Variants in FRMD4B observed in about 807,000 individuals in gnomAD.
FRMD4B encodes the protein FERM domain-containing protein 4B.
A neutral mutation model predicts 141.5 loss-of-function variants in FRMD4B; 74 were observed. The observed-to-expected ratio is 0.52, with a 90% CI of 0.43 to 0.63. The LOEUF is 0.63. Ranked by LOEUF, FRMD4B falls within the 30% of genes least tolerant of loss-of-function variation. The pLI, the probability that FRMD4B is intolerant of heterozygous loss-of-function variation, is 0.00. For synonymous variants in FRMD4B, 506 were observed against 467.9 expected (o/e 1.08, Z -1.05); for missense variants, 1,366 against 1,253.4 (o/e 1.09, Z -1.36).
intron 22 of FRMD4B, among the ~76,000 whole-genome samples, chr3:69,172,901 G>A (rs767526510): frequency 1.3e-5 from 2 of 151,976 alleles, no homozygotes; most frequent in Non-Finnish European, 2.9e-5. Context: ...TTTGGAAGAA[G>A]AGCTTTGGAA....
chr3:69,512,756 C>T (rs990569050), intron 1 of FRMD4B, among the ~76,000 whole-genome samples: 15 of 152,176 alleles, frequency 9.9e-5, no homozygotes, highest in African/African-American at 2.9e-4. Context: ...TGCATCTTCC[C>T]GCCCAAATAA....
At chr3:69,423,731 A>AC (rs1705024007) in intron 2 of FRMD4B, among the ~76,000 whole-genome samples, 1 of 152,060 alleles carries the variant, frequency 6.6e-6, no homozygotes. Flanking sequence ...GAGCTGCCTT[A>AC]CCCCTTCTAC....
chr3:69,429,520 T>C (rs936413283), intron 2 of FRMD4B, among the ~76,000 whole-genome samples: 8 of 152,190 alleles, frequency 5.3e-5, no homozygotes, highest in African/African-American at 1.4e-4. Context: ...TTCAAGGTGA[T>C]AGACATCCCA....
intron 1 of FRMD4B, among the ~76,000 whole-genome samples, chr3:69,367,397 C>A: frequency 6.6e-6 from 1 of 152,186 alleles, no homozygotes; most frequent in East Asian, 1.9e-4. Context: ...TCCACACATA[C>A]ATGAACACAT....
intron 1 of FRMD4B, among the ~76,000 whole-genome samples, chr3:69,510,983 A>C (rs1163414776): frequency 6.6e-6 from 1 of 152,198 alleles, no homozygotes; most frequent in Non-Finnish European, 1.5e-5. Context: ...TTTTATTTAC[A>C]TGTGGGGTCA....
At chr3:69,212,942 A>AT (rs1223964513) in intron 11 of FRMD4B, among the ~76,000 whole-genome samples, 1 of 152,152 alleles carries the variant, frequency 6.6e-6, no homozygotes, top group African/African-American at 2.4e-5. Flanking sequence ...GTCTTGCAAA[A>AT]TAGATAAACT....
chr3:69,266,369 A>G (rs2106896414), intron 5 of FRMD4B, among the ~76,000 whole-genome samples: 1 of 152,332 alleles, frequency 6.6e-6, no homozygotes, highest in South Asian at 2.1e-4. Context: ...CCTGCCGCCC[A>G]GGCTGGAGTG....
chr3:69,212,502 G>C (rs555311328), intron 11 of FRMD4B, among the ~76,000 whole-genome samples: 1 of 151,394 alleles, frequency 6.6e-6, no homozygotes, highest in African/African-American at 2.4e-5. Context: ...ATCCAAAAAA[G>C]GAAGTAGCTT....
chr3:69,181,228 G>T lies in FRMD4B; in HGVS notation c.2522C>A (p.Ser841Tyr), dbSNP rs1354907384. The change falls in exon 21 of 23, where the codon TCC becomes TAC. Residue 841 changes from serine to tyrosine, a missense_variant. Physicochemically the swap from Ser to Tyr is moderately radical, Grantham distance 144. Transcript: ENST00000398540. ...GQYSVNPSYR[S>Y]SAHYGYERQR... ...GCGCTCATATCCATAGTGGGCTGAG[G>T]ACCGGTAGGAAGGGTTGACACTATA... The T allele has an allele frequency of 6.2e-7, 1 of 1,613,884 alleles. No homozygotes were observed. The highest frequency in any genetic ancestry group is 1.7e-5 in the Admixed American group (1 of 60,020).
intron 1 of FRMD4B, among the ~76,000 whole-genome samples, chr3:69,531,850 TTTC>T (rs1172157577): frequency 5.3e-5 from 8 of 152,176 alleles, no homozygotes; most frequent in African/African-American, 1.9e-4. Flanking sequence ...GCAAAAACAA[TTTC>T]TTCTTCTTAA....
At chr3:69,500,652 C>G (rs1052016881) in intron 1 of FRMD4B, among the ~76,000 whole-genome samples, 11 of 152,096 alleles carry the variant, frequency 7.2e-5, no homozygotes, top group African/African-American at 2.4e-4. Context: ...ACATAGTTAC[C>G]TGAACCTGGT....
At chr3:69,186,543 C>T (rs2092769923) in intron 19 of FRMD4B, among the ~76,000 whole-genome samples, 1 of 152,132 alleles carries the variant, frequency 6.6e-6, no homozygotes, top group Non-Finnish European at 1.5e-5. Context: ...GAGACCCTGT[C>T]TCTATTAAAA....
intron 1 of FRMD4B, among the ~76,000 whole-genome samples, chr3:69,349,120 C>G (rs2107421424): frequency 6.6e-6 from 1 of 152,322 alleles, no homozygotes; most frequent in South Asian, 2.1e-4. Flanking sequence ...GCAACTTCAG[C>G]AAAGTCTCAG....
chr3:69,446,461 T>C (rs1241475277), intron 1 of FRMD4B, among the ~76,000 whole-genome samples: 2 of 152,128 alleles, frequency 1.3e-5, no homozygotes, highest in Non-Finnish European at 2.9e-5. Context: ...GCCTCCCTAG[T>C]AGCTGAGAAT....
chr3:69,288,479 C>T (rs1476210102), intron 4 of FRMD4B, among the ~76,000 whole-genome samples: 2 of 152,256 alleles, frequency 1.3e-5, no homozygotes, highest in Admixed American at 6.5e-5. Flanking sequence ...CTGCCCCACT[C>T]CCTTTCTAGG....
chr3:69,208,922 G>C (rs1038136940), intron 11 of FRMD4B, among the ~76,000 whole-genome samples: 3 of 152,092 alleles, frequency 2.0e-5, no homozygotes, highest in Admixed American at 1.3e-4. Flanking sequence ...GAGGCAGGCG[G>C]ATCAGGAGGT....
chr3:69,242,703 A>G (rs1216752322), intron 7 of FRMD4B, among the ~76,000 whole-genome samples: 1 of 150,318 alleles, frequency 6.7e-6, no homozygotes, highest in African/African-American at 2.5e-5. Context: ...AGGAAAAAAA[A>G]AAAAAGGCCG....
chr3:69,339,536 T>C (rs779298864), intron 1 of FRMD4B, among the ~76,000 whole-genome samples: 1 of 152,114 alleles, frequency 6.6e-6, no homozygotes, highest in South Asian at 2.1e-4. Flanking sequence ...GCGTTAGCCA[T>C]GATGACTATT....
rs780198124 is a variant in FRMD4B at position 69,198,682 on chromosome 3, C to T, written c.953+16G>A. On this transcript the variant is annotated intron_variant, in intron 12 of 22. Coordinates refer to ENST00000398540, the MANE Select transcript of FRMD4B (RefSeq NM_015123.3). The stretch of plus-strand genomic sequence containing the variant: ...ATAGTAACTGTGTCATACAGAGAAA[C>T]GTCTTTGATCCTCACCTTCGTGGAT... 12 of 1,362,630 alleles carry T rather than the reference C, an allele frequency of 8.8e-6. No individual in the cohort carries two copies. The highest frequency in any genetic ancestry group is 1.8e-4 in the Middle Eastern group (1 of 5,654). The allele number at this position is 1,362,630 out of a possible 1,614,324, so 84.4% of individuals were successfully genotyped here.
Sources: gnomAD v4.1 joint callset for allele counts (sites outside exome capture counted in the v4.1 genomes callset) on GRCh38, gnomAD v4.1.1 for gene constraint, MANE v1.5 for transcripts, NCBI Gene and HGNC (gene_info 2026-07-23, HGNC 2026-07-21) for gene names.